MAP4: variants seen among roughly 807,000 people sequenced by gnomAD.
The protein encoded by MAP4 is microtubule associated protein 4.
Under a neutral mutation model 170.2 loss-of-function variants are expected in MAP4, and 76 were observed. The ratio of observed to expected loss-of-function variants is 0.45; its 90% CI spans 0.37 to 0.54. The LOEUF (loss-of-function observed/expected upper bound fraction) is 0.54, where lower values mean the gene tolerates loss of function less well. Among genes scored for constraint, MAP4 ranks in the 20% least tolerant of loss-of-function variants. MAP4 has a pLI of 0.00. For missense variants in MAP4, 2,506 were observed against 2,748.0 expected, an observed-to-expected ratio of 0.91 and a Z score of 1.97; for synonymous variants, 909 against 994.5, an observed-to-expected ratio of 0.91 and a Z score of 1.62.
At chr3:47,970,988 C>T (rs760026564) in intron 3 of MAP4, among the ~76,000 whole-genome samples, 2 of 152,148 alleles carry the variant, frequency 1.3e-5, no homozygotes, top group Non-Finnish European at 2.9e-5. Flanking sequence ...GAGCTGGTTT[C>T]AATGGAGTCC....
intron 3 of MAP4, chr3:47,975,245 C>A: frequency 7.6e-7 from 1 of 1,313,838 alleles, no homozygotes; most frequent in African/African-American, 1.5e-5. Context: ...GGAAATGAGG[C>A]TCCATCAAAC....
At chr3:48,054,557 G>C (rs569516218) in intron 1 of MAP4, among the ~76,000 whole-genome samples, 1 of 143,354 alleles carries the variant, frequency 7.0e-6, no homozygotes, top group South Asian at 2.2e-4. Flanking sequence ...TTGAACTCGA[G>C]AGGCAGAGGT....
chr3:48,054,914 A>G (rs1010027149), intron 1 of MAP4, among the ~76,000 whole-genome samples: 3 of 152,186 alleles, frequency 2.0e-5, no homozygotes, highest in African/African-American at 7.2e-5. Context: ...GACAATAACC[A>G]ATCTACCCCA....
intron 3 of MAP4, among the ~76,000 whole-genome samples, chr3:47,970,510 A>T (rs1257787765): frequency 6.8e-6 from 1 of 147,360 alleles, no homozygotes; most frequent in Non-Finnish European, 1.5e-5. Flanking sequence ...GAACAAAAAA[A>T]CCCAAAAAAC....
intron 2 of MAP4, 63 bp downstream of exon 2, chr3:47,998,574 AC>A: frequency 1.6e-6 from 2 of 1,268,328 alleles, no homozygotes; most frequent in Non-Finnish European, 2.3e-6. Flanking sequence ...CCAAGATTAT[AC>A]CAAAGGCATA....
chr3:48,038,365 TTTATA>T (rs1318493523), intron 1 of MAP4, among the ~76,000 whole-genome samples: 2 of 151,960 alleles, frequency 1.3e-5, no homozygotes, highest in African/African-American at 4.8e-5. Context: ...CAAAAAAAAA[TTTATA>T]TTATGATCCA....
At chr3:47,864,003 T>C (rs1254815092) in intron 17 of MAP4, among the ~76,000 whole-genome samples, 5 of 149,774 alleles carry the variant, frequency 3.3e-5, no homozygotes, top group Non-Finnish European at 7.4e-5. Context: ...TTTTTTTCAG[T>C]GTCTCTCTCT....
chr3:48,061,145 C>G (rs985514868), intron 1 of MAP4, among the ~76,000 whole-genome samples: 1 of 151,952 alleles, frequency 6.6e-6, no homozygotes, highest in Non-Finnish European at 1.5e-5. Flanking sequence ...GCGCCTGGAC[C>G]CAAAGAGCTC....
chr3:47,861,221 T>C (rs2065138730), intron 17 of MAP4, among the ~76,000 whole-genome samples: 1 of 151,958 alleles, frequency 6.6e-6, no homozygotes, highest in Non-Finnish European at 1.5e-5. Flanking sequence ...ATTAGCTGGG[T>C]GTGGTGGTGG....
rs749593789 is a variant in MAP4 at position 47,871,271 on chromosome 3, C to T, written c.5957G>A (p.Gly1986Glu). The T allele has an allele frequency of 6.2e-7, 1 of 1,614,012 alleles. No individual in the cohort carries two copies. Among genetic ancestry groups the T allele is most frequent in the Middle Eastern group, 1.6e-4 (1 of 6,062 alleles). ...PKKPTAIKTE[G>E]KPAEVKKMTA... ...CATCTTCTTGACTTCTGCAGGTTTTCCCTCAGTCTTAATGGCTGTACAAAA... is the reference window on the plus strand; with the variant it reads ...CATCTTCTTGACTTCTGCAGGTTTTTCCTCAGTCTTAATGGCTGTACAAAA... Residue 1986 changes from glycine (G) to glutamate (E), a missense_variant, in exon 14 of 21, where the codon GGA becomes GAA. Physicochemically the swap from Gly to Glu is moderately conservative, Grantham distance 98. Around this residue, in one of 3 missense-constraint regions of MAP4, gnomAD observed 487 missense variants for 511.6 expected, o/e 0.95. Transcript: ENST00000683076.
intron 3 of MAP4, among the ~76,000 whole-genome samples, chr3:47,972,145 A>T (rs1294618518): frequency 6.6e-6 from 1 of 152,224 alleles, no homozygotes; most frequent in Non-Finnish European, 1.5e-5. Flanking sequence ...TTACTTAGAT[A>T]TAAAATATTT....
At chr3:47,975,762 A>T (rs1375961958) in intron 3 of MAP4, among the ~76,000 whole-genome samples, 1 of 152,010 alleles carries the variant, frequency 6.6e-6, no homozygotes, top group Non-Finnish European at 1.5e-5. Context: ...TCCCTCCCCA[A>T]ATAAAACATG....
intron 3 of MAP4, among the ~76,000 whole-genome samples, chr3:47,964,242 A>C (rs1328809392): frequency 1.3e-5 from 2 of 152,208 alleles, no homozygotes; most frequent in Non-Finnish European, 1.5e-5. Context: ...TGCTGCAGGG[A>C]GCAAGCAAAT....
At chr3:47,861,576 C>T (rs2066025942) in intron 17 of MAP4, among the ~76,000 whole-genome samples, 1 of 151,190 alleles carries the variant, frequency 6.6e-6, no homozygotes, top group Non-Finnish European at 1.5e-5. Context: ...TGGTCTAGAA[C>T]TCCTGACCTT....
intron 1 of MAP4, among the ~76,000 whole-genome samples, chr3:48,002,699 G>A (rs1001597036): frequency 3.9e-5 from 6 of 152,062 alleles, no homozygotes; most frequent in East Asian, 1.9e-4. Flanking sequence ...TGGCCAACAC[G>A]GTGAAACCCC....
Position 47,855,369 on chromosome 3 carries a change from A to T in MAP4, c.6584-9T>A. 1 of 1,557,482 alleles carries T rather than the reference A, an allele frequency of 6.4e-7. No homozygotes were observed. Among genetic ancestry groups the T allele is most frequent in the Non-Finnish European group, 8.9e-7 (1 of 1,128,372 alleles). On this transcript the variant is annotated splice_polypyrimidine_tract_variant and intron_variant, in intron 18 of 20. Coordinates refer to ENST00000683076, the MANE Select transcript of MAP4 (RefSeq NM_001385682.1). This position sits in a 1 kb window ranked among gnomAD's most constrained non-coding sequence, Gnocchi z 5.1. ...CTTGACATCTCCTCCACCTGGAACCACAAAGGAACTGGTCACCTAGGGTGG... is the reference window on the plus strand; with the variant it reads ...CTTGACATCTCCTCCACCTGGAACCTCAAAGGAACTGGTCACCTAGGGTGG...
chr3:48,066,952 T>C (rs6771917), intron 1 of MAP4, among the ~76,000 whole-genome samples: 98,102 of 149,192 alleles, frequency 0.66, 33,678 homozygotes, highest in Non-Finnish European at 0.76. Context: ...ACCATTCTCC[T>C]GCCTCAGCCT....
At chr3:47,902,701 G>A (rs1478340161) in intron 10 of MAP4, among the ~76,000 whole-genome samples, 1,193 of 82,254 alleles carry the variant, frequency 0.015, no homozygotes, top group Non-Finnish European at 0.019. Context: ...AAAAAAAAAA[G>A]AAGCCAGTTG....
At chr3:48,086,544 CAGG>C (rs756683756) in intron 1 of MAP4, among the ~76,000 whole-genome samples, 2 of 152,138 alleles carry the variant, frequency 1.3e-5, no homozygotes, top group Non-Finnish European at 2.9e-5. Flanking sequence ...GAGGCTGTGG[CAGG>C]AGAACTGCTT....
Sources: gnomAD v4.1 joint callset for allele counts (sites outside exome capture counted in the v4.1 genomes callset) on GRCh38, gnomAD v4.1.1 for gene constraint, gnomAD v4.1.1 regional missense constraint, Gnocchi (gnomAD v3.1) non-coding constraint, MANE v1.5 for transcripts, NCBI Gene and HGNC (gene_info 2026-07-23, HGNC 2026-07-21) for gene names.